TP63: variants seen among roughly 807,000 people sequenced by gnomAD.
The protein encoded by TP63 is tumor protein 63.
TP63 carries 17 observed loss-of-function variants against 82.8 expected under a neutral mutation model. That is an observed-to-expected ratio of 0.21 (90% CI 0.14 to 0.31). The LOEUF (loss-of-function observed/expected upper bound fraction) is 0.31. Ranked by LOEUF, TP63 falls within the 10% of genes least tolerant of loss-of-function variation. The pLI is 1.00. For synonymous variants in TP63, 330 were observed against 321.7 expected (o/e 1.03, Z -0.28); for missense variants, 648 against 895.3 (o/e 0.72, Z 3.52).
intron 3 of TP63, among the ~76,000 whole-genome samples, chr3:189,784,708 A>G (rs1724471727): frequency 1.3e-5 from 2 of 152,058 alleles, no homozygotes. Flanking sequence ...TGCCTATGAG[A>G]CTTACCCATT....
At chr3:189,775,613 G>A (rs1334118195) in intron 3 of TP63, among the ~76,000 whole-genome samples, 1 of 152,150 alleles carries the variant, frequency 6.6e-6, no homozygotes, top group Non-Finnish European at 1.5e-5. Context: ...AATGTTGTAA[G>A]CATCTTATCC....
intron 1 of TP63, among the ~76,000 whole-genome samples, chr3:189,644,495 C>A (rs78710649): frequency 1.5e-3 from 228 of 152,298 alleles, no homozygotes; most frequent in Middle Eastern, 0.01. Flanking sequence ...GTGGGGCCCA[C>A]ATCAGTCCTA....
intron 1 of TP63, among the ~76,000 whole-genome samples, chr3:189,699,723 C>T (rs963527645): frequency 6.6e-6 from 1 of 151,992 alleles, no homozygotes; most frequent in African/African-American, 2.4e-5. Flanking sequence ...CTTGACATAG[C>T]TTTATGGATA....
chr3:189,608,739 A>G, the TP63 span, among the ~76,000 whole-genome samples: 2 of 152,108 alleles, frequency 1.3e-5, no homozygotes, highest in Non-Finnish European at 2.9e-5. Context: ...GCAATATCAT[A>G]ATTTATTACC....
At chr3:189,856,556 T>G (rs894743795) in intron 4 of TP63, among the ~76,000 whole-genome samples, 2 of 152,034 alleles carry the variant, frequency 1.3e-5, no homozygotes, top group African/African-American at 2.4e-5. Context: ...TATGCAGATT[T>G]GAAAGGAAGA....
chr3:189,866,819 CA>C, intron 6 of TP63, 22 bp downstream of exon 6: 1 of 1,587,414 alleles, frequency 6.3e-7, no homozygotes, highest in Non-Finnish European at 8.7e-7. Context: ...AAAACCAAAC[CA>C]AAAAACAACA....
chr3:189,699,310 C>T (rs983590713), intron 1 of TP63, among the ~76,000 whole-genome samples: 2 of 152,170 alleles, frequency 1.3e-5, no homozygotes, highest in Non-Finnish European at 2.9e-5. Context: ...ACTTATTTCT[C>T]CTGACTCAAA....
intron 1 of TP63, among the ~76,000 whole-genome samples, chr3:189,639,053 T>C (rs1226717707): frequency 6.6e-6 from 1 of 152,206 alleles, no homozygotes; most frequent in African/African-American, 2.4e-5. Context: ...CAATTTTCAA[T>C]CTCTGTTTGA....
intron 3 of TP63, among the ~76,000 whole-genome samples, chr3:189,769,859 ACTC>A (rs144459933): frequency 0.02 from 3,021 of 152,252 alleles, 92 homozygotes; most frequent in African/African-American, 0.067. Context: ...CTATTTGACT[ACTC>A]ATGTTACACT....
chr3:189,729,500 A>G (rs1458034045), intron 1 of TP63, among the ~76,000 whole-genome samples: 2 of 152,186 alleles, frequency 1.3e-5, no homozygotes, highest in Admixed American at 6.5e-5. Flanking sequence ...AATATGCAAA[A>G]TAGAGTTTTT....
the TP63 span, among the ~76,000 whole-genome samples, chr3:189,603,091 C>T: frequency 1.3e-5 from 2 of 152,102 alleles, no homozygotes; most frequent in Non-Finnish European, 2.9e-5. Flanking sequence ...CTCTTTTACC[C>T]AGGACTCAGT....
intron 10 of TP63, among the ~76,000 whole-genome samples, chr3:189,881,696 G>C (rs536366974): frequency 6.6e-6 from 1 of 152,050 alleles, no homozygotes; most frequent in South Asian, 2.1e-4. Flanking sequence ...GTCATCAATC[G>C]TAACAAGGAA....
the TP63 span, among the ~76,000 whole-genome samples, chr3:189,619,181 G>A: frequency 2.6e-5 from 4 of 152,172 alleles, no homozygotes; most frequent in African/African-American, 7.2e-5. Context: ...CTTCAGCTGA[G>A]CTCTGCTGGA....
At chr3:189,796,807 CA>C (rs1021408435) in intron 3 of TP63, among the ~76,000 whole-genome samples, 2 of 151,614 alleles carry the variant, frequency 1.3e-5, no homozygotes, top group South Asian at 2.1e-4. Context: ...CCATTTTCTG[CA>C]AAAAAAATTA....
chr3:189,708,489 T>A (rs1244517937), intron 1 of TP63, among the ~76,000 whole-genome samples: 1 of 152,228 alleles, frequency 6.6e-6, no homozygotes, highest in Admixed American at 6.5e-5. Context: ...CTGGAATGGA[T>A]GCATCTAATT....
intron 8 of TP63, among the ~76,000 whole-genome samples, chr3:189,869,011 T>C (rs1718081163): frequency 6.6e-6 from 1 of 152,066 alleles, no homozygotes; most frequent in Non-Finnish European, 1.5e-5. Flanking sequence ...ACCAGCAAGA[T>C]ACGGGCTTTC....
chr3:189,834,196 G>C (rs1328180996), intron 4 of TP63, among the ~76,000 whole-genome samples: 3 of 152,088 alleles, frequency 2.0e-5, no homozygotes, highest in African/African-American at 7.2e-5. Context: ...TAGAAATTGG[G>C]GATGCTTTTA....
chr3:189,889,617 A>C, intron 12 of TP63, 133 bp downstream of exon 12: 4 of 1,226,314 alleles, frequency 3.3e-6, no homozygotes. Flanking sequence ...AGTCACTATT[A>C]TCTCTGATCT....
chr3:189,827,752 G>A (rs1373748015), intron 4 of TP63, among the ~76,000 whole-genome samples: 1 of 152,184 alleles, frequency 6.6e-6, no homozygotes, highest in East Asian at 1.9e-4. Context: ...AGTCCACAGA[G>A]CCAGATTGAG....
Sources: allele counts gnomAD v4.1 joint callset (sites outside exome capture counted in the v4.1 genomes callset), GRCh38; gene constraint gnomAD v4.1.1; transcripts MANE v1.5; gene names NCBI Gene and HGNC (gene_info 2026-07-23, HGNC 2026-07-21).